ZNF385D: variants seen among roughly 807,000 people sequenced by gnomAD.
ZNF385D encodes the protein zinc finger protein 385D.
ZNF385D carries 15 observed loss-of-function variants against 35.8 expected under a neutral mutation model. The ratio of observed to expected loss-of-function variants is 0.42; its 90% CI spans 0.28 to 0.64. The LOEUF is 0.64. Ranked by LOEUF, ZNF385D falls within the 30% of genes least tolerant of loss-of-function variation. The pLI, the probability that ZNF385D is intolerant of heterozygous loss-of-function variation, is 0.23. For missense variants in ZNF385D, 474 were observed against 494.6 expected (o/e 0.96, Z 0.39); for synonymous variants, 212 against 186.8 (o/e 1.13, Z -1.10).
chr3:21,574,302 G>T (rs1001898119), intron 2 of ZNF385D, among the ~76,000 whole-genome samples: 1 of 151,980 alleles, frequency 6.6e-6, no homozygotes, highest in Non-Finnish European at 1.5e-5. Context: ...AAGTCTCTAC[G>T]TGAATAAAGT....
intron 3 of ZNF385D, among the ~76,000 whole-genome samples, chr3:21,822,844 CT>C (rs1694356737): frequency 6.6e-6 from 1 of 151,958 alleles, no homozygotes; most frequent in South Asian, 2.1e-4. Flanking sequence ...CATGTGGAAT[CT>C]TACTGTTATA....
At chr3:21,914,919 A>T (rs1700124920) in intron 3 of ZNF385D, among the ~76,000 whole-genome samples, 1 of 151,970 alleles carries the variant, frequency 6.6e-6, no homozygotes, top group African/African-American at 2.4e-5. Context: ...TGGCAAAAAA[A>T]TTCAGTAAAA....
intron 4 of ZNF385D, among the ~76,000 whole-genome samples, chr3:21,456,418 G>A (rs1006320129): frequency 8.5e-5 from 13 of 152,160 alleles, no homozygotes; most frequent in African/African-American, 3.1e-4. Context: ...AAAAAAGGAT[G>A]AGTTCATGTC....
intron 3 of ZNF385D, among the ~76,000 whole-genome samples, chr3:21,858,675 T>C (rs751873844): frequency 2.0e-5 from 3 of 152,146 alleles, no homozygotes; most frequent in Non-Finnish European, 4.4e-5. Context: ...TAAATGTTTG[T>C]CATATATAAA....
intron 3 of ZNF385D, among the ~76,000 whole-genome samples, chr3:21,914,979 A>G (rs565864195): frequency 1.3e-5 from 2 of 152,112 alleles, no homozygotes; most frequent in South Asian, 4.1e-4. Flanking sequence ...AGCACGAGGA[A>G]AAGTTTGTGA....
intron 3 of ZNF385D, among the ~76,000 whole-genome samples, chr3:22,093,501 A>G (rs1701437567): frequency 6.6e-6 from 1 of 152,232 alleles, no homozygotes; most frequent in East Asian, 1.9e-4. Flanking sequence ...GGATAATATT[A>G]AAGGTCTATT....
chr3:21,447,034 A>C (rs1702192716), intron 4 of ZNF385D, among the ~76,000 whole-genome samples: 1 of 152,204 alleles, frequency 6.6e-6, no homozygotes, highest in Non-Finnish European at 1.5e-5. Context: ...AGCACAGTTC[A>C]TCCTCTCCAA....
chr3:21,466,577 T>A (rs1479767564), intron 4 of ZNF385D, among the ~76,000 whole-genome samples: 1 of 152,152 alleles, frequency 6.6e-6, no homozygotes, highest in African/African-American at 2.4e-5. Context: ...AACACCTGTA[T>A]CTCAATTTCC....
Position 21,706,786 on chromosome 3 carries a change from G to A in ZNF385D, c.23-41758C>T, listed in dbSNP as rs760205948. Among the ~76,000 whole-genome samples the A allele has an allele frequency of 1.6e-4, 25 of 151,864 alleles. No homozygotes were observed. The South Asian group carries it at 1.7e-3, about 10-fold the overall frequency. ...CTAACATTCCACTTCTGAGAGAGCA[G>A]CATTTAGATAGACACAAAGATAATA... On this transcript the variant is annotated intron_variant, in intron 1 of 7. Transcript: ENST00000281523.
intron 1 of ZNF385D, among the ~76,000 whole-genome samples, chr3:21,680,856 C>T (rs1161127531): frequency 6.6e-6 from 1 of 152,022 alleles, no homozygotes; most frequent in African/African-American, 2.4e-5. Flanking sequence ...ATCTTAAGTG[C>T]TACACAGTTC....
chr3:21,999,980 C>A (rs758557157), intron 3 of ZNF385D, among the ~76,000 whole-genome samples: 10 of 152,002 alleles, frequency 6.6e-5, no homozygotes, highest in Admixed American at 3.9e-4. Flanking sequence ...ACACAAGAAG[C>A]TCAAAAATCC....
At chr3:21,756,467 A>T (rs1424993087) in intron 3 of ZNF385D, among the ~76,000 whole-genome samples, 1 of 152,072 alleles carries the variant, frequency 6.6e-6, no homozygotes, top group African/African-American at 2.4e-5. Context: ...ATCCAAGTAG[A>T]AATGTTTCAT....
At chr3:22,039,261 A>T (rs1029084889) in intron 3 of ZNF385D, among the ~76,000 whole-genome samples, 3 of 147,844 alleles carry the variant, frequency 2.0e-5, no homozygotes, top group Admixed American at 6.7e-5. Flanking sequence ...AAGCCAAAAA[A>T]AAAAAAAAAA....
intron 2 of ZNF385D, among the ~76,000 whole-genome samples, chr3:21,566,528 G>A (rs2063153488): frequency 6.6e-6 from 1 of 152,068 alleles, no homozygotes. Context: ...TATTCGGGAG[G>A]CTGAGGCAGG....
chr3:21,863,140 CATATT>C (rs1449986599), intron 3 of ZNF385D, among the ~76,000 whole-genome samples: 2 of 152,092 alleles, frequency 1.3e-5, no homozygotes, highest in Non-Finnish European at 2.9e-5. Flanking sequence ...GTTGGTAAAA[CATATT>C]AGAGTTCATA....
chr3:21,935,295 G>C (rs1037693610), intron 3 of ZNF385D, among the ~76,000 whole-genome samples: 1 of 152,020 alleles, frequency 6.6e-6, no homozygotes, highest in Non-Finnish European at 1.5e-5. Context: ...AGATTCATTC[G>C]TTTTATGTAA....
intron 2 of ZNF385D, among the ~76,000 whole-genome samples, chr3:22,326,568 A>G (rs1311784619): frequency 6.6e-6 from 1 of 152,208 alleles, no homozygotes; most frequent in Non-Finnish European, 1.5e-5. Context: ...ACGGGAAAAG[A>G]AGGAGCAAGT....
chr3:21,982,890 CATTT>C (rs902125456), intron 3 of ZNF385D, among the ~76,000 whole-genome samples: 9 of 151,654 alleles, frequency 5.9e-5, no homozygotes, highest in Non-Finnish European at 1.0e-4. Flanking sequence ...TGATGAATCA[CATTT>C]ATTGATTTGT....
At chr3:22,179,836 A>G (rs950957088) in intron 2 of ZNF385D, among the ~76,000 whole-genome samples, 2 of 152,240 alleles carry the variant, frequency 1.3e-5, no homozygotes, top group Non-Finnish European at 2.9e-5. Context: ...AGAAAGCAGG[A>G]AAGATCCAAA....
Sources: allele counts gnomAD v4.1 joint callset (sites outside exome capture counted in the v4.1 genomes callset), GRCh38; gene constraint gnomAD v4.1.1; transcripts MANE v1.5; gene names NCBI Gene and HGNC (gene_info 2026-07-23, HGNC 2026-07-21).